APBB2: variants seen among roughly 807,000 people sequenced by gnomAD.
APBB2 encodes Fe65-like 1.
APBB2 carries 38 observed loss-of-function variants against 82.5 expected under a neutral mutation model. That is an observed-to-expected ratio of 0.46 (90% CI 0.36 to 0.60). APBB2 has a LOEUF of 0.60. APBB2 is among the 20% of genes least tolerant of loss of function. The probability of loss-of-function intolerance (pLI) is 0.00; values close to 1 mark genes in which losing one functional copy is unlikely to be tolerated. For missense variants in APBB2, 772 were observed against 972.3 expected (o/e 0.79, Z 2.74); for synonymous variants, 341 against 368.2 (o/e 0.93, Z 0.85).
chr4:40,871,045 T>C (rs560612731), intron 12 of APBB2, among the ~76,000 whole-genome samples: 1 of 151,816 alleles, frequency 6.6e-6, no homozygotes, highest in Non-Finnish European at 1.5e-5. Context: ...AGAAGGACAC[T>C]TATGACTGGA....
chr4:40,894,113 A>T (rs951765134), intron 10 of APBB2, among the ~76,000 whole-genome samples: 1 of 151,062 alleles, frequency 6.6e-6, no homozygotes, highest in Admixed American at 6.6e-5. Flanking sequence ...ACGGTGAAGC[A>T]CCGTCTCTAC....
chr4:40,820,911 C>T (rs1219353799), intron 17 of APBB2, among the ~76,000 whole-genome samples: 1 of 151,970 alleles, frequency 6.6e-6, no homozygotes, highest in Non-Finnish European at 1.5e-5. Context: ...TCTTGTTGCC[C>T]AGGCTGGAGT....
chr4:41,105,737 T>A (rs1461870785), intron 2 of APBB2, among the ~76,000 whole-genome samples: 2 of 151,904 alleles, frequency 1.3e-5, no homozygotes, highest in Non-Finnish European at 2.9e-5. Flanking sequence ...ACAAAAAAAA[T>A]TAGCCAGGTG....
intron 2 of APBB2, among the ~76,000 whole-genome samples, chr4:41,134,271 C>T (rs1275041235): frequency 1.3e-5 from 2 of 151,930 alleles, no homozygotes; most frequent in African/African-American, 4.8e-5. Context: ...TGTGAGCCAT[C>T]GTGCCCAGCC....
In APBB2 at chr4:40,826,079, C is replaced by T. The variant is rs950374048; in HGVS notation, c.1733-109G>A. 1.1e-5 allele frequency: 9 copies of T among 798,658 alleles called. No individual in the cohort carries two copies. Among genetic ancestry groups the T allele is most frequent in the South Asian group, 4.2e-5 (3 of 71,046 alleles). The allele number at this position is 798,658 out of a possible 1,614,324, so 49.5% of individuals were successfully genotyped here. On this transcript the variant is annotated intron_variant, in intron 14 of 17. Coordinates refer to ENST00000508593, the MANE Select transcript of APBB2 (RefSeq NM_004307.2). The surrounding 1 kb of genome is among the most constrained non-coding windows in gnomAD (Gnocchi z 4.5). ...GCTCAGGACACGCCCTGTGCCATAA[C>T]GCCCTATGTTTCTGGATGTAAATGT...
At chr4:41,116,163 A>G (rs557188598) in intron 2 of APBB2, among the ~76,000 whole-genome samples, 1 of 152,374 alleles carries the variant, frequency 6.6e-6, no homozygotes, top group East Asian at 1.9e-4. Context: ...TGTCTTTTGC[A>G]GGAACATGGA....
At chr4:40,949,259 A>ACT (rs5857762) in intron 6 of APBB2, among the ~76,000 whole-genome samples, 103,646 of 151,696 alleles carry the variant, frequency 0.68, 35,775 homozygotes, top group Non-Finnish European at 0.74. Flanking sequence ...ACAGAGTGAG[A>ACT]CTGTCTCAAA....
chr4:41,038,172 A>C (rs1451582573), intron 4 of APBB2, among the ~76,000 whole-genome samples: 1 of 152,028 alleles, frequency 6.6e-6, no homozygotes, highest in African/African-American at 2.4e-5. Context: ...CCACAGAGAG[A>C]GCTTGCAACC....
intron 13 of APBB2, among the ~76,000 whole-genome samples, chr4:40,827,816 C>T (rs1481594501): frequency 6.6e-6 from 1 of 152,106 alleles, no homozygotes. Context: ...CAGAAATGTC[C>T]CCTGCTGACA....
intron 3 of APBB2, among the ~76,000 whole-genome samples, chr4:41,082,888 C>T (rs1363526095): frequency 1.3e-5 from 2 of 152,080 alleles, no homozygotes; most frequent in African/African-American, 4.8e-5. Flanking sequence ...ATAGGCTGTG[C>T]ACGGTGGCTC....
In APBB2 at chr4:41,005,321, C is replaced by A. The variant is rs566112911; in HGVS notation, c.835+8262G>T. ...GCCAGGATCGTCTCAATCTCTTGAT[C>A]TCGTGATCTGCCTGCCTTGGTCTCC... On this transcript the variant is annotated intron_variant, in intron 6 of 17. Coordinates refer to ENST00000508593, the MANE Select transcript of APBB2 (RefSeq NM_004307.2). Among the ~76,000 whole-genome samples, 7 of 152,266 alleles carry A rather than the reference C, an allele frequency of 4.6e-5. No individual in the cohort carries two copies. The South Asian group carries it at 1.2e-3, about 27-fold the overall frequency.
chr4:41,065,881 G>T (rs1731608619), intron 3 of APBB2, among the ~76,000 whole-genome samples: 1 of 152,098 alleles, frequency 6.6e-6, no homozygotes, highest in South Asian at 2.1e-4. Context: ...TAGCATGCAG[G>T]CCCTGCAATA....
At chr4:41,057,871 T>C (rs1236763498) in intron 4 of APBB2, among the ~76,000 whole-genome samples, 1 of 152,242 alleles carries the variant, frequency 6.6e-6, no homozygotes, top group Non-Finnish European at 1.5e-5. Flanking sequence ...CTCCCCGCTC[T>C]TCCTTTAGCA....
chr4:41,144,369 C>A (rs1760101202), intron 1 of APBB2, among the ~76,000 whole-genome samples: 1 of 152,196 alleles, frequency 6.6e-6, no homozygotes, highest in Non-Finnish European at 1.5e-5. Flanking sequence ...GTTCTACAAA[C>A]TGAGTGCATA....
At chr4:40,890,604 T>C in intron 11 of APBB2, 113 bp from the exon 12 acceptor site, 1 of 1,416,468 alleles carries the variant, frequency 7.1e-7, no homozygotes, top group South Asian at 1.4e-5. Flanking sequence ...CACCCTGGGG[T>C]CTGTAATTTG....
intron 12 of APBB2, among the ~76,000 whole-genome samples, chr4:40,854,485 A>C (rs1424871959): frequency 6.6e-6 from 1 of 152,208 alleles, no homozygotes; most frequent in Non-Finnish European, 1.5e-5. Context: ...CCAGTGGTAC[A>C]GAATGAAATT....
intron 10 of APBB2, among the ~76,000 whole-genome samples, chr4:40,905,926 C>G (rs993685872): frequency 6.6e-6 from 1 of 151,948 alleles, no homozygotes; most frequent in African/African-American, 2.4e-5. Context: ...AGTGGGGAAG[C>G]GAGAATGAGT....
chr4:40,994,179 CG>C (rs1029843840), intron 6 of APBB2, among the ~76,000 whole-genome samples: 2 of 151,332 alleles, frequency 1.3e-5, no homozygotes, highest in Admixed American at 1.3e-4. Context: ...CCCAGCTACT[CG>C]GGAGGCTGAG....
intron 1 of APBB2, among the ~76,000 whole-genome samples, chr4:41,208,241 C>T (rs1225059604): frequency 6.6e-6 from 1 of 152,184 alleles, no homozygotes; most frequent in Non-Finnish European, 1.5e-5. Flanking sequence ...ACACGTTTTT[C>T]CTTCTACCTC....
Sources: allele counts gnomAD v4.1 joint callset (sites outside exome capture counted in the v4.1 genomes callset), GRCh38; gene constraint gnomAD v4.1.1; non-coding constraint Gnocchi (gnomAD v3.1); transcripts MANE v1.5; gene names NCBI Gene and HGNC (gene_info 2026-07-23, HGNC 2026-07-21).